REN: variants seen among roughly 807,000 people sequenced by gnomAD.
REN encodes the protein angiotensin-forming enzyme.
A neutral mutation model predicts 48.6 loss-of-function variants in REN; 42 were observed. The observed-to-expected ratio is 0.86, with a 90% CI of 0.68 to 1.12. The LOEUF is 1.12. Ranked by LOEUF, REN falls within the 50% of genes most tolerant of loss-of-function variation. The probability of loss-of-function intolerance (pLI) is 0.00; values close to 1 mark genes in which losing one functional copy is unlikely to be tolerated. For synonymous variants in REN, 196 were observed against 204.6 expected, an observed-to-expected ratio of 0.96 and a Z score of 0.36; for missense variants, 443 against 527.3, an observed-to-expected ratio of 0.84 and a Z score of 1.57.
At chr1:204,163,144 C>T (rs989816902) in intron 1 of REN, among the ~76,000 whole-genome samples, 1 of 152,160 alleles carries the variant, frequency 6.6e-6, no homozygotes, top group Non-Finnish European at 1.5e-5. Context: ...AGGATGGAAG[C>T]CCAAGTTGAC....
Position 204,157,575 on chromosome 1 carries a change from G to A in REN, c.690-206C>T, listed in dbSNP as rs1658171845. 3.3e-5 allele frequency among the ~76,000 whole-genome samples: 5 copies of A among 152,324 alleles called. No homozygotes were observed. The South Asian group carries it at 1.0e-3, about 32-fold the overall frequency. On this transcript the variant is annotated intron_variant, in intron 5 of 9. Coordinates refer to ENST00000272190, the MANE Select transcript of REN (RefSeq NM_000537.4). Reference sequence around the variant, plus strand: ...CCAGGCTCCTGGTGCCCCGTCTGGAGCTGATTCCCCTCACCTTCCTTTCCT... The same window carrying A: ...CCAGGCTCCTGGTGCCCCGTCTGGAACTGATTCCCCTCACCTTCCTTTCCT...
intron 1 of REN, among the ~76,000 whole-genome samples, chr1:204,164,644 C>T (rs1658312948): frequency 6.9e-6 from 1 of 144,590 alleles, no homozygotes; most frequent in African/African-American, 2.5e-5. Flanking sequence ...AGTCTCTGCT[C>T]ACTGCAGCCT....
At chr1:204,160,199 C>T (rs1045205517) in intron 4 of REN, among the ~76,000 whole-genome samples, 8 of 152,166 alleles carry the variant, frequency 5.3e-5, no homozygotes, top group Non-Finnish European at 1.2e-4. Context: ...TATGCCTGAC[C>T]CTAAAACTCA....
At chr1:204,160,954 G>A (rs1039320033) in intron 3 of REN, among the ~76,000 whole-genome samples, 1 of 152,174 alleles carries the variant, frequency 6.6e-6, no homozygotes, top group African/African-American at 2.4e-5. Flanking sequence ...CAGAGTAAGT[G>A]CCTAGTAAGA....
chr1:204,158,411 CTTT>C lies in REN; in HGVS notation c.689+985_689+987del, dbSNP rs576572389. Among the ~76,000 whole-genome samples the C allele has an allele frequency of 5.5e-3, 538 of 97,182 alleles. 3 individuals are homozygous for C. Among genetic ancestry groups the C allele is most frequent in the African/African-American group, 0.022 (464 of 21,448 alleles). The allele number at this position is 97,182 out of a possible 152,430, so 63.8% of individuals were successfully genotyped here. ...TGGCCTCATGTTCTTACCCTTGTGA[CTTT>C]TTTTTTTTTTTTTTTTTTTTTGAGA... is the stretch of plus-strand genomic sequence containing the variant. On this transcript the variant is annotated intron_variant, in intron 5 of 9. Transcript: ENST00000272190.
At chr1:204,161,131 GA>G (rs1243680466) in intron 3 of REN, among the ~76,000 whole-genome samples, 160 bp downstream of exon 3, 1 of 152,066 alleles carries the variant, frequency 6.6e-6, no homozygotes, top group Non-Finnish European at 1.5e-5. Flanking sequence ...AGAAAAACGG[GA>G]GACATCTTCC....
chr1:204,165,382 C>T (rs1558246677), intron 1 of REN, among the ~76,000 whole-genome samples: 3 of 152,166 alleles, frequency 2.0e-5, no homozygotes, highest in East Asian at 3.8e-4. Flanking sequence ...CCAAAGCAGC[C>T]CCATCAAGTA....
chr1:204,160,726 G>T, intron 3 of REN, 48 bp from the exon 4 acceptor site: 1 of 1,367,010 alleles, frequency 7.3e-7, no homozygotes, highest in Non-Finnish European at 1.0e-6. Context: ...GGCCCAGACA[G>T]GGGGACTCAG....
At chr1:204,160,810 G>T in intron 3 of REN, 132 bp from the exon 4 acceptor site, 1 of 775,098 alleles carries the variant, frequency 1.3e-6, no homozygotes, top group South Asian at 1.4e-5. Flanking sequence ...AGGGGGCTTG[G>T]AATATGTGCT....
intron 1 of REN, 32 bp downstream of exon 1, chr1:204,166,164 C>T (rs757104483): frequency 3.8e-6 from 6 of 1,586,666 alleles, no homozygotes; most frequent in Non-Finnish European, 5.2e-6. Context: ...CTGCACCCCT[C>T]CCACCCCTTC....
chr1:204,159,444 G>A lies in REN; in HGVS notation c.644C>T (p.Ser215Phe). ...GACGTCCTCTTTTAGCACCCCTTGG[G>A]AGATGATGTTGTCGAAGATAGGGGT... Reference protein sequence around the residue: ...RVTPIFDNIISQGVLKEDVFS... With the variant: ...RVTPIFDNIIFQGVLKEDVFS... The change falls in exon 5 of 10, where the codon TCC (serine) becomes TTC (phenylalanine). Residue 215 changes from serine (S) to phenylalanine (F), a missense_variant. By Grantham distance (155) the Ser-to-Phe change is radical. Coordinates refer to ENST00000272190, the MANE Select transcript of REN (RefSeq NM_000537.4). 1 of 1,614,164 alleles carries A rather than the reference G, an allele frequency of 6.2e-7. No homozygotes were observed. The highest frequency in any genetic ancestry group is 8.5e-7 in the Non-Finnish European group (1 of 1,180,042).
intron 1 of REN, 88 bp from the exon 2 acceptor site, chr1:204,162,251 G>A (rs1658259799): frequency 2.1e-6 from 3 of 1,449,908 alleles, no homozygotes; most frequent in African/African-American, 1.4e-5. Context: ...CCTGCTTTTA[G>A]TACAACCACC....
chr1:204,159,645 T>G, intron 4 of REN, 50 bp from the exon 5 acceptor site: 1 of 1,565,952 alleles, frequency 6.4e-7, no homozygotes, highest in Non-Finnish European at 8.8e-7. Context: ...CACTCCTTGG[T>G]TGGAGTCTGG....
At chr1:204,163,519 A>C (rs1658286292) in intron 1 of REN, among the ~76,000 whole-genome samples, 1 of 152,188 alleles carries the variant, frequency 6.6e-6, no homozygotes, top group Admixed American at 6.5e-5. Flanking sequence ...GTTTACTCAC[A>C]ACAGCCTATG....
chr1:204,156,555 G>C lies in REN; in HGVS notation c.818+122C>G. ...AGCAGGCAGAGAGCAAATGGTGGCTGTGCTTAAGAAGTGGCTGCATTTGGA... is the reference window on the plus strand; with the variant it reads ...AGCAGGCAGAGAGCAAATGGTGGCTCTGCTTAAGAAGTGGCTGCATTTGGA... On this transcript the variant is annotated intron_variant, in intron 7 of 9. Coordinates refer to ENST00000272190, the MANE Select transcript of REN (RefSeq NM_000537.4). The surrounding 1 kb of genome is among the most constrained non-coding windows in gnomAD (Gnocchi z 4.2). 6.9e-7 allele frequency: 1 copy of C among 1,450,468 alleles called. No homozygotes were observed. The highest frequency in any genetic ancestry group is 9.6e-7 in the Non-Finnish European group (1 of 1,038,062). 89.8% of individuals were successfully genotyped at this position (1,450,468 alleles called of 1,614,324 possible).
rs764714841 is a variant in REN, at chr1:204,162,084, A to C, written c.178T>G (p.Trp60Gly). 6.2e-7 allele frequency: 1 copy of C among 1,613,818 alleles called. No individual in the cohort carries two copies. The highest frequency in any genetic ancestry group is 1.7e-5 in the Admixed American group (1 of 59,976). ...GTCAGCCTCTTCATGGGTTGGCTCC[A>C]CTCGGGACCAAGCCTGGCCATGTCC... is the stretch of plus-strand genomic sequence containing the variant. ...GVDMARLGPE[W>G]SQPMKRLTLG... Residue 60 changes from tryptophan to glycine, a missense_variant, in exon 2 of 10, where the codon TGG becomes GGG. Coordinates refer to ENST00000272190, the MANE Select transcript of REN (RefSeq NM_000537.4).
chr1:204,165,996 G>A lies in REN; in HGVS notation c.98+200C>T, dbSNP rs537906071. Among the ~76,000 whole-genome samples, 210 of 152,288 alleles carry A rather than the reference G, an allele frequency of 1.4e-3. 1 individual carries two copies. Among genetic ancestry groups the A allele is most frequent in the African/African-American group, 4.9e-3 (203 of 41,562 alleles). The stretch of plus-strand genomic sequence containing the variant: ...TTAGTTAGCATGGTGCTCTGGGCAG[G>A]AAGCAAAAGTCACAGCTTCTAGACC... On this transcript the variant is annotated intron_variant, in intron 1 of 9. Coordinates refer to ENST00000272190, the MANE Select transcript of REN (RefSeq NM_000537.4).
chr1:204,156,390 C>T lies in REN; in HGVS notation c.819-71G>A. 2 of 1,113,460 alleles carry T rather than the reference C, an allele frequency of 1.8e-6. No homozygotes were observed. Among genetic ancestry groups the T allele is most frequent in the Non-Finnish European group, 2.6e-6 (2 of 771,716 alleles). 69.0% of individuals were successfully genotyped at this position (1,113,460 alleles called of 1,614,324 possible). The stretch of plus-strand genomic sequence containing the variant: ...AGGCTGATGGGGCACCTCCAGGCTG[C>T]ATGTCCTTCCTGAGTGTGGGTGGGT... On this transcript the variant is annotated intron_variant, in intron 7 of 9. Transcript: ENST00000272190. The surrounding 1 kb of genome is among the most constrained non-coding windows in gnomAD (Gnocchi z 4.2).
At chr1:204,164,565 C>CTTT (rs748060874) in intron 1 of REN, among the ~76,000 whole-genome samples, 17 of 93,690 alleles carry the variant, frequency 1.8e-4, no homozygotes, top group Admixed American at 3.9e-4. Flanking sequence ...CTTCTTCAGT[C>CTTT]TTTTTTTTTT....
Sources: allele counts gnomAD v4.1 joint callset (sites outside exome capture counted in the v4.1 genomes callset), GRCh38; gene constraint gnomAD v4.1.1; non-coding constraint Gnocchi (gnomAD v3.1); transcripts MANE v1.5; gene names NCBI Gene and HGNC (gene_info 2026-07-23, HGNC 2026-07-21).